The following ADAMTS3 variants were observed in gnomAD, a reference collection of about 807,000 sequenced individuals.
ADAMTS3 encodes ADAM metallopeptidase with thrombospondin type 1 motif 3.
Under a neutral mutation model 129.0 loss-of-function variants are expected in ADAMTS3, and 73 were observed. The observed-to-expected ratio is 0.57, with a 90% CI of 0.47 to 0.69. The LOEUF is 0.69. Among genes scored for constraint, ADAMTS3 ranks in the 30% least tolerant of loss-of-function variants. The pLI is 0.00. For missense variants in ADAMTS3, 1,457 were observed against 1,514.5 expected, an observed-to-expected ratio of 0.96 and a Z score of 0.63; for synonymous variants, 477 against 510.8, an observed-to-expected ratio of 0.93 and a Z score of 0.89.
At chr4:72,380,995 G>A (rs754995536) in intron 4 of ADAMTS3, among the ~76,000 whole-genome samples, 32 of 152,196 alleles carry the variant, frequency 2.1e-4, no homozygotes, top group Middle Eastern at 3.4e-3. Flanking sequence ...ATTTATCACT[G>A]ACTCATTCAT....
intron 10 of ADAMTS3, among the ~76,000 whole-genome samples, chr4:72,317,495 C>G (rs529950517): frequency 3.4e-5 from 5 of 146,162 alleles, no homozygotes; most frequent in Non-Finnish European, 7.5e-5. Flanking sequence ...TAATGAATTA[C>G]TAAAGACCAA....
At chr4:72,497,868 T>A (rs1422713498) in intron 3 of ADAMTS3, among the ~76,000 whole-genome samples, 1 of 152,078 alleles carries the variant, frequency 6.6e-6, no homozygotes, top group Non-Finnish European at 1.5e-5. Context: ...TGAATTCACA[T>A]CGCTAAAGAT....
intron 4 of ADAMTS3, among the ~76,000 whole-genome samples, chr4:72,413,118 T>A (rs1274919582): frequency 6.6e-6 from 1 of 151,906 alleles, no homozygotes; most frequent in Non-Finnish European, 1.5e-5. Flanking sequence ...ATCAGACTAA[T>A]GAAAAGTACT....
chr4:72,350,989 C>T (rs531561831), intron 4 of ADAMTS3, among the ~76,000 whole-genome samples: 1 of 152,038 alleles, frequency 6.6e-6, no homozygotes, highest in Admixed American at 6.6e-5. Flanking sequence ...TCAGCTCTGG[C>T]TTCTCAACTC....
chr4:72,409,768 C>A (rs1722142824), intron 4 of ADAMTS3, among the ~76,000 whole-genome samples: 1 of 152,128 alleles, frequency 6.6e-6, no homozygotes. Context: ...TGTAATAAGT[C>A]AATCTTCATA....
chr4:72,531,184 A>G (rs1721032120), intron 3 of ADAMTS3, among the ~76,000 whole-genome samples: 1 of 152,232 alleles, frequency 6.6e-6, no homozygotes, highest in African/African-American at 2.4e-5. Flanking sequence ...AACATATTTC[A>G]TAGAAAAACC....
intron 3 of ADAMTS3, among the ~76,000 whole-genome samples, chr4:72,416,593 C>T (rs1722311324): frequency 1.3e-5 from 2 of 152,082 alleles, no homozygotes; most frequent in South Asian, 4.2e-4. Context: ...GAGTTTCTTT[C>T]CTTATCTGAC....
chr4:72,484,154 A>G (rs1719516469), intron 3 of ADAMTS3, among the ~76,000 whole-genome samples: 2 of 152,182 alleles, frequency 1.3e-5, no homozygotes, highest in African/African-American at 4.8e-5. Flanking sequence ...CTTAAATGCA[A>G]TAGAATCCAG....
At chr4:72,516,798 T>C (rs1330925430) in intron 3 of ADAMTS3, among the ~76,000 whole-genome samples, 3 of 152,114 alleles carry the variant, frequency 2.0e-5, no homozygotes, top group Non-Finnish European at 4.4e-5. Flanking sequence ...ACAATTTGAC[T>C]TCCTCTTTTC....
chr4:72,356,959 A>T (rs1353321596), intron 4 of ADAMTS3, among the ~76,000 whole-genome samples: 1 of 151,908 alleles, frequency 6.6e-6, no homozygotes, highest in Non-Finnish European at 1.5e-5. Context: ...AACAAGACAG[A>T]CATCCCAATT....
chr4:72,290,814 C>A (rs1210551912), intron 20 of ADAMTS3, 41 bp downstream of exon 20: 3 of 1,586,886 alleles, frequency 1.9e-6, no homozygotes, highest in South Asian at 1.1e-5. Context: ...CATGCTTACA[C>A]ACACACTTTA....
At chr4:72,323,237 G>T in intron 5 of ADAMTS3, 140 bp from the exon 6 acceptor site, 2 of 669,542 alleles carry the variant, frequency 3.0e-6, no homozygotes, top group Non-Finnish European at 2.6e-6. Context: ...AACTCTGAAA[G>T]GTAGTCATTT....
At chr4:72,380,087 T>G (rs1299129590) in intron 4 of ADAMTS3, among the ~76,000 whole-genome samples, 1 of 152,140 alleles carries the variant, frequency 6.6e-6, no homozygotes. Flanking sequence ...AAGGGTATTA[T>G]GTAATTCTAA....
intron 2 of ADAMTS3, among the ~76,000 whole-genome samples, chr4:72,565,028 GCTGCTGA>G (rs1721989315): frequency 6.6e-6 from 1 of 152,192 alleles, no homozygotes; most frequent in African/African-American, 2.4e-5. Context: ...TATTGATCCA[GCTGCTGA>G]CTGCTGACTG....
chr4:72,426,544 T>C (rs565311454), intron 3 of ADAMTS3, among the ~76,000 whole-genome samples: 1 of 152,206 alleles, frequency 6.6e-6, no homozygotes, highest in South Asian at 2.1e-4. Flanking sequence ...TTATTTCCTT[T>C]CATTGATTTG....
In ADAMTS3 at chr4:72,435,643, T is replaced by C. The variant is rs139362840; in HGVS notation, c.505-20672A>G. Among the ~76,000 whole-genome samples the C allele has an allele frequency of 4.4e-4, 67 of 152,032 alleles. No homozygotes were observed. The East Asian group carries it at 0.01, about 23-fold the overall frequency. ...AAGACAGTACATGGCACATAAGCAG[T>C]GGTAAAACAGAGATATAGACAAATG... On this transcript the variant is annotated intron_variant, in intron 3 of 21. Coordinates refer to ENST00000286657, the MANE Select transcript of ADAMTS3 (RefSeq NM_014243.3).
At chr4:72,305,866 G>T (rs763283414) in intron 16 of ADAMTS3, 121 bp downstream of exon 16, 2 of 810,956 alleles carry the variant, frequency 2.5e-6, no homozygotes, top group Non-Finnish European at 4.1e-6. Flanking sequence ...GTATGCACAT[G>T]TATGTACATA....
chr4:72,556,887 G>A (rs1721781340), intron 2 of ADAMTS3, among the ~76,000 whole-genome samples: 1 of 151,572 alleles, frequency 6.6e-6, no homozygotes, highest in South Asian at 2.1e-4. Context: ...TTTCTTCCAA[G>A]TCCCAGCACC....
chr4:72,410,411 G>A (rs972321868), intron 4 of ADAMTS3, among the ~76,000 whole-genome samples: 1 of 152,102 alleles, frequency 6.6e-6, no homozygotes, highest in African/African-American at 2.4e-5. Context: ...AATCCTGAAA[G>A]GAAGCTAGGA....
Sources: allele counts gnomAD v4.1 joint callset (sites outside exome capture counted in the v4.1 genomes callset), GRCh38; gene constraint gnomAD v4.1.1; transcripts MANE v1.5; gene names NCBI Gene and HGNC (gene_info 2026-07-23, HGNC 2026-07-21).